The following NFIA variants were observed in gnomAD, a reference collection of about 807,000 sequenced individuals.
NFIA encodes the protein nuclear factor 1 A-type.
In NFIA, 8 loss-of-function variants were observed where a neutral mutation model predicts 62.8. The ratio of observed to expected loss-of-function variants is 0.13; its 90% CI spans 0.07 to 0.23. The LOEUF is 0.23. Ranked by LOEUF, NFIA falls within the 10% of genes least tolerant of loss-of-function variation. The pLI is 1.00. For missense variants in NFIA, 410 were observed against 642.1 expected (o/e 0.64, Z 3.91); for synonymous variants, 235 against 238.1 (o/e 0.99, Z 0.12).
At chr1:61,197,269 CTCTG>C (rs1020723049) in intron 2 of NFIA, among the ~76,000 whole-genome samples, 11 of 119,318 alleles carry the variant, frequency 9.2e-5, no homozygotes, top group African/African-American at 3.7e-4. Context: ...GACGGAGTCT[CTCTG>C]TGTCACGCAG....
Position 61,317,770 on chromosome 1 carries a change from A to G in NFIA, c.626-14742A>G, listed in dbSNP as rs146429391. On this transcript the variant is annotated intron_variant, in intron 3 of 10. Transcript: ENST00000403491. Reference sequence around the variant, plus strand: ...ATTTTTTCTGTTAAAAATTCCCTGTATGATTGAAGATCTAAGATATAAAGA... The same window carrying G: ...ATTTTTTCTGTTAAAAATTCCCTGTGTGATTGAAGATCTAAGATATAAAGA... 7.7e-3 allele frequency among the ~76,000 whole-genome samples: 1,169 copies of G among 152,218 alleles called. 6 individuals are homozygous for G. Among genetic ancestry groups the G allele is most frequent in the Middle Eastern group, 0.041 (12 of 290 alleles).
chr1:61,117,732 C>T (rs1050330983), intron 2 of NFIA, among the ~76,000 whole-genome samples: 1 of 152,172 alleles, frequency 6.6e-6, no homozygotes, highest in South Asian at 2.1e-4. Context: ...AGTATTAAAG[C>T]TCTCAAATGT....
chr1:61,406,769 G>A (rs1178391076), intron 9 of NFIA, 42 bp downstream of exon 9: 3 of 1,525,872 alleles, frequency 2.0e-6, no homozygotes, highest in Non-Finnish European at 2.7e-6. Flanking sequence ...TTCTAAAGCT[G>A]TATGCACTGG....
intron 6 of NFIA, among the ~76,000 whole-genome samples, chr1:61,362,672 G>A (rs1020105506): frequency 6.6e-6 from 1 of 152,124 alleles, no homozygotes; most frequent in Admixed American, 6.6e-5. Context: ...TATTATCTGG[G>A]AAGAAGGGCA....
rs572154842 is a variant in NFIA, at chr1:61,121,360, A to T, written c.559+32680A>T. ...AATCTTTTGCTCGGAATGTAAAAGT[A>T]TGCTGTATTATCACAAACTGACCCT... On this transcript the variant is annotated intron_variant, in intron 2 of 10. Transcript: ENST00000403491. Among the ~76,000 whole-genome samples the T allele has an allele frequency of 3.9e-5, 6 of 152,324 alleles. No individual in the cohort carries two copies. The East Asian group carries it at 1.2e-3, about 29-fold the overall frequency.
chr1:61,169,118 C>T (rs191436554), intron 2 of NFIA, among the ~76,000 whole-genome samples: 1 of 152,222 alleles, frequency 6.6e-6, no homozygotes, highest in East Asian at 1.9e-4. Flanking sequence ...TAGTCAATTC[C>T]TCCCTAAAGG....
chr1:61,336,150 A>G (rs1325599587), intron 4 of NFIA, among the ~76,000 whole-genome samples: 1 of 152,190 alleles, frequency 6.6e-6, no homozygotes, highest in Non-Finnish European at 1.5e-5. Context: ...AACCTCTCCT[A>G]TAATTGCATT....
chr1:61,214,237 C>T (rs951052765), intron 2 of NFIA, among the ~76,000 whole-genome samples: 1 of 151,974 alleles, frequency 6.6e-6, no homozygotes, highest in Non-Finnish European at 1.5e-5. Context: ...TCTTTTGTTC[C>T]GCAAAGGGTT....
chr1:61,084,382 G>C (rs1227409410), intron 1 of NFIA, among the ~76,000 whole-genome samples: 1 of 151,670 alleles, frequency 6.6e-6, no homozygotes, highest in African/African-American at 2.4e-5. Context: ...TTTAGGCCTA[G>C]CATTAATAAT....
At chr1:61,355,077 G>A (rs1294247523) in intron 5 of NFIA, among the ~76,000 whole-genome samples, 1 of 152,142 alleles carries the variant, frequency 6.6e-6, no homozygotes, top group African/African-American at 2.4e-5. Context: ...ATTACACAGA[G>A]TAGGAATTAA....
intron 2 of NFIA, among the ~76,000 whole-genome samples, chr1:61,147,420 G>A (rs1431619171): frequency 6.6e-6 from 1 of 152,178 alleles, no homozygotes; most frequent in South Asian, 2.1e-4. Flanking sequence ...CGAAGTGCTA[G>A]GATTACAGGT....
chr1:61,426,363 T>C (rs947038740), intron 9 of NFIA, 102 bp from the exon 10 acceptor site: 80 of 782,630 alleles, frequency 1.0e-4, no homozygotes, highest in Non-Finnish European at 1.7e-4. Flanking sequence ...GCACATTTCC[T>C]TGTTAATCAG....
chr1:61,098,977 G>C (rs1440697440), intron 2 of NFIA, among the ~76,000 whole-genome samples: 1 of 152,234 alleles, frequency 6.6e-6, no homozygotes, highest in East Asian at 1.9e-4. Flanking sequence ...GGATATTTCA[G>C]TCCAAAATGT....
intron 3 of NFIA, among the ~76,000 whole-genome samples, chr1:61,320,079 C>G (rs1660599692): frequency 6.6e-6 from 1 of 151,894 alleles, no homozygotes; most frequent in African/African-American, 2.4e-5. Context: ...AATATTGGCC[C>G]TTTTCTCTTC....
intron 2 of NFIA, among the ~76,000 whole-genome samples, chr1:61,130,064 G>A (rs747502610): frequency 1.5e-4 from 23 of 152,186 alleles, no homozygotes; most frequent in Non-Finnish European, 2.6e-4. Flanking sequence ...GATAGCTAAA[G>A]TCAATGTCAG....
intron 2 of NFIA, among the ~76,000 whole-genome samples, chr1:61,237,573 GTTC>G (rs1216245276): frequency 6.6e-6 from 1 of 152,204 alleles, no homozygotes; most frequent in East Asian, 1.9e-4. Context: ...CATTGTGGGT[GTTC>G]TTTAATCAAC....
chr1:61,161,058 G>T lies in NFIA; in HGVS notation c.559+72378G>T, dbSNP rs75225621. On this transcript the variant is annotated intron_variant, in intron 2 of 10. Coordinates refer to ENST00000403491, the MANE Select transcript of NFIA (RefSeq NM_001134673.4). ...GCCTCTTGAGTAGCAGCGATTACAG[G>T]CACTCGCCACTATGCCCAGCTAATT... Among the ~76,000 whole-genome samples the T allele has an allele frequency of 0.011, 1,630 of 152,178 alleles. 83 individuals are homozygous for T. The East Asian group carries it at 0.17, about 15-fold the overall frequency.
intron 3 of NFIA, among the ~76,000 whole-genome samples, chr1:61,323,303 T>C (rs185598575): frequency 6.6e-6 from 1 of 152,340 alleles, no homozygotes; most frequent in East Asian, 1.9e-4. Flanking sequence ...CAAACATTTC[T>C]GCATTTTGCA....
chr1:61,296,472 A>G lies in NFIA; in HGVS notation c.625+18887A>G, dbSNP rs200479832. 5.3e-5 allele frequency among the ~76,000 whole-genome samples: 8 copies of G among 152,310 alleles called. No individual in the cohort carries two copies. In the East Asian group the frequency reaches 1.4e-3, roughly 26 times the overall value. On this transcript the variant is annotated intron_variant, in intron 3 of 10. Transcript: ENST00000403491. ...ATGTTTTAGTAAATAGATACATTTC[A>G]TTAGTTGCTGAGGGCTGTAGGAACA...
Sources: gnomAD v4.1 joint callset for allele counts (sites outside exome capture counted in the v4.1 genomes callset) on GRCh38, gnomAD v4.1.1 for gene constraint, MANE v1.5 for transcripts, NCBI Gene and HGNC (gene_info 2026-07-23, HGNC 2026-07-21) for gene names.